ROBO2: variants seen among roughly 807,000 people sequenced by gnomAD.
The protein encoded by ROBO2 is roundabout guidance receptor 2, also known as roundabout homolog 2.
Under a neutral mutation model 160.8 loss-of-function variants are expected in ROBO2, and 53 were observed. That is an observed-to-expected ratio of 0.33 (90% confidence interval 0.26 to 0.41). ROBO2 has a LOEUF of 0.41. Ranked by LOEUF, ROBO2 falls within the 10% of genes least tolerant of loss-of-function variation. The pLI is 1.00. For synonymous variants in ROBO2, 664 were observed against 611.7 expected, an observed-to-expected ratio of 1.09 and a Z score of -1.26; for missense variants, 1,577 against 1,722.4, an observed-to-expected ratio of 0.92 and a Z score of 1.49.
At chr3:77,076,981 A>G (rs887448907) in intron 1 of ROBO2, among the ~76,000 whole-genome samples, 1 of 152,170 alleles carries the variant, frequency 6.6e-6, no homozygotes, top group Admixed American at 6.5e-5. Flanking sequence ...CACTTCAACA[A>G]ACTGGTACTC....
Position 77,128,680 on chromosome 3 carries a change from A to G in ROBO2, c.388+30340A>G, listed in dbSNP as rs2075574668. On this transcript the variant is annotated intron_variant, in intron 2 of 25. Transcript: ENST00000461745. Reference sequence around the variant, plus strand: ...TATTTAATGGTGGACCTTTCATCCCATGTTCTGTGCTAATTTTCTTAATTC... The same window carrying G: ...TATTTAATGGTGGACCTTTCATCCCGTGTTCTGTGCTAATTTTCTTAATTC... Among the ~76,000 whole-genome samples, 4 of 152,116 alleles carry G rather than the reference A, an allele frequency of 2.6e-5. No individual in the cohort carries two copies. In the South Asian group the frequency reaches 8.3e-4, roughly 31 times the overall value.
At chr3:77,633,965 G>A (rs917892667) in intron 23 of ROBO2, 8 of 152,098 alleles carry the variant, frequency 5.3e-5, no homozygotes, top group African/African-American at 1.2e-4. Context: ...ATATCACGTC[G>A]TCGTAAGAAA....
intron 2 of ROBO2, among the ~76,000 whole-genome samples, chr3:76,234,387 A>G (rs906772512): frequency 6.6e-6 from 1 of 152,210 alleles, no homozygotes; most frequent in African/African-American, 2.4e-5. Flanking sequence ...ACTGCTTTCC[A>G]CAATAGCTGA....
intron 2 of ROBO2, among the ~76,000 whole-genome samples, chr3:76,059,934 A>C (rs962958558): frequency 3.3e-5 from 5 of 152,044 alleles, no homozygotes; most frequent in African/African-American, 1.2e-4. Context: ...TGTTTTTGTC[A>C]GGTTTGTCAA....
intron 2 of ROBO2, among the ~76,000 whole-genome samples, chr3:76,842,872 A>T (rs1576994074): frequency 6.6e-6 from 1 of 152,106 alleles, no homozygotes; most frequent in Non-Finnish European, 1.5e-5. Context: ...GCTTGACATG[A>T]ATGAGTTATT....
At chr3:76,013,400 C>T (rs1340058245) in intron 2 of ROBO2, among the ~76,000 whole-genome samples, 4 of 148,332 alleles carry the variant, frequency 2.7e-5, no homozygotes, top group South Asian at 2.1e-4. Context: ...CGACTGGGCA[C>T]GGTGGCTTAT....
chr3:76,060,668 T>G (rs2068043569), intron 2 of ROBO2, among the ~76,000 whole-genome samples: 1 of 152,220 alleles, frequency 6.6e-6, no homozygotes. Context: ...CCTTTACAAC[T>G]GTAAATAACT....
intron 2 of ROBO2, among the ~76,000 whole-genome samples, chr3:76,848,949 G>T (rs947686092): frequency 6.6e-6 from 1 of 151,892 alleles, no homozygotes; most frequent in Non-Finnish European, 1.5e-5. Context: ...GATTGATAAG[G>T]GACTTAAAAG....
At chr3:77,315,574 T>C (rs2063908516) in intron 2 of ROBO2, among the ~76,000 whole-genome samples, 1 of 152,306 alleles carries the variant, frequency 6.6e-6, no homozygotes, top group East Asian at 1.9e-4. Context: ...TTTTTAAAAC[T>C]GGGCTGTTAT....
At chr3:76,885,458 A>G (rs2073781423) in intron 2 of ROBO2, among the ~76,000 whole-genome samples, 1 of 152,222 alleles carries the variant, frequency 6.6e-6, no homozygotes, top group Non-Finnish European at 1.5e-5. Context: ...CAAGCCGTAC[A>G]AAAATAAAGC....
chr3:76,837,671 C>T (rs1344924824), intron 2 of ROBO2, among the ~76,000 whole-genome samples: 4 of 151,782 alleles, frequency 2.6e-5, no homozygotes, highest in Non-Finnish European at 5.9e-5. Flanking sequence ...GTTGTTGACT[C>T]ATTTGCAGCT....
rs762006255 is a variant in ROBO2, at chr3:76,013,281, C to T, written c.109+75679C>T. Among the ~76,000 whole-genome samples the T allele has an allele frequency of 1.7e-4, 25 of 150,648 alleles. No individual in the cohort carries two copies. The South Asian group carries it at 2.7e-3, about 16-fold the overall frequency. ...TATAAAGGCAATTGGAGGCTGGGCACGGTGGCTTATGCGTGTAATCCCAGA... is the reference window on the plus strand; with the variant it reads ...TATAAAGGCAATTGGAGGCTGGGCATGGTGGCTTATGCGTGTAATCCCAGA... On this transcript the variant is annotated intron_variant, in intron 2 of 26. Transcript: ENST00000487694.
chr3:77,461,198 A>G (rs893258831), intron 2 of ROBO2, among the ~76,000 whole-genome samples: 3 of 152,172 alleles, frequency 2.0e-5, no homozygotes, highest in African/African-American at 7.2e-5. Context: ...TATAGAGTGA[A>G]CTTTTTATTA....
intron 2 of ROBO2, among the ~76,000 whole-genome samples, chr3:76,233,235 C>G (rs1704731187): frequency 6.6e-6 from 1 of 152,042 alleles, no homozygotes; most frequent in African/African-American, 2.4e-5. Context: ...AATTATGCCT[C>G]CCAGGTTCAA....
intron 2 of ROBO2, among the ~76,000 whole-genome samples, chr3:76,671,895 A>C (rs2106673273): frequency 6.6e-6 from 1 of 152,154 alleles, no homozygotes; most frequent in Admixed American, 6.6e-5. Context: ...AGAACACTTC[A>C]GAAGTCTGTT....
chr3:76,425,703 GA>G (rs1223994279), intron 2 of ROBO2, among the ~76,000 whole-genome samples: 1 of 151,804 alleles, frequency 6.6e-6, no homozygotes, highest in African/African-American at 2.4e-5. Context: ...AGTTCCTCAA[GA>G]ACAAAGATAC....
chr3:77,626,655 C>G (rs1406367454), intron 23 of ROBO2, among the ~76,000 whole-genome samples: 1 of 151,962 alleles, frequency 6.6e-6, no homozygotes, highest in South Asian at 2.1e-4. Context: ...ATGACACCAC[C>G]AGGAAAAAAG....
chr3:76,915,676 A>G (rs1472980448), intron 2 of ROBO2, among the ~76,000 whole-genome samples: 1 of 151,346 alleles, frequency 6.6e-6, no homozygotes, highest in African/African-American at 2.4e-5. Flanking sequence ...GCTCTCAAAA[A>G]AAAAAAAAAA....
At chr3:76,520,596 G>T (rs900695966) in intron 2 of ROBO2, among the ~76,000 whole-genome samples, 2 of 152,136 alleles carry the variant, frequency 1.3e-5, no homozygotes, top group African/African-American at 4.8e-5. Context: ...ATTTTCCTCT[G>T]TAAGAAACTC....
Sources: gnomAD v4.1 joint callset for allele counts (sites outside exome capture counted in the v4.1 genomes callset) on GRCh38, gnomAD v4.1.1 for gene constraint, MANE v1.5 for transcripts, NCBI Gene and HGNC (gene_info 2026-07-23, HGNC 2026-07-21) for gene names.